MEG3: variants seen among roughly 807,000 people sequenced by gnomAD.
MEG3 encodes the protein maternally expressed 3.
chr14:100,836,170 C>T (rs572633109), exon 2 of MEG3: 5 of 454,800 alleles, frequency 1.1e-5, no homozygotes, highest in East Asian at 7.0e-5. Flanking sequence ...CCCCAAGGCA[C>T]GTGGGCCGTG....
chr14:100,831,140 A>G (rs1429968966), downstream of MEG3: 1 of 153,020 alleles, frequency 6.5e-6, no homozygotes, highest in Non-Finnish European at 1.5e-5. Flanking sequence ...GCAACCGTCC[A>G]TTCATTTGAT....
intron 2 of MEG3, among the ~76,000 whole-genome samples, chr14:100,839,307 G>A (rs1413664035): frequency 3.9e-5 from 6 of 152,088 alleles, no homozygotes; most frequent in Admixed American, 6.5e-5. Context: ...TGGAATTAAT[G>A]AGTTGTGAAG....
At chr14:100,843,981 A>G (rs2037838185) in intron 2 of MEG3, among the ~76,000 whole-genome samples, 1 of 151,814 alleles carries the variant, frequency 6.6e-6, no homozygotes. Flanking sequence ...CTGAGACCAT[A>G]GGCACATACC....
At chr14:100,828,525 T>G (rs2037313929) in intron 1 of MEG3, among the ~76,000 whole-genome samples, 1 of 77,242 alleles carries the variant, frequency 1.3e-5, no homozygotes, top group Admixed American at 1.9e-4. Context: ...GCCCCCCTCC[T>G]TCCTCCCTCC....
downstream of MEG3, chr14:100,832,971 T>TC (rs2037441091): frequency 6.6e-6 from 1 of 152,200 alleles, no homozygotes; most frequent in South Asian, 2.1e-4. Context: ...TCAGGACCCA[T>TC]TGAGGACATC....
chr14:100,849,045 T>A (rs1331756723), intron 3 of MEG3: 2 of 152,164 alleles, frequency 1.3e-5, no homozygotes, highest in African/African-American at 4.8e-5. Flanking sequence ...ATTTTCACTA[T>A]CCTGTGCACT....
At chr14:100,833,568 T>A (rs2037459596), downstream of MEG3, 4 of 152,376 alleles carry the variant, frequency 2.6e-5, no homozygotes, top group Admixed American at 2.0e-4. Context: ...CTATAGTAGT[T>A]CTTCTTTTGC....
intron 2 of MEG3, among the ~76,000 whole-genome samples, chr14:100,838,928 A>G (rs2037669837): frequency 6.6e-6 from 1 of 152,120 alleles, no homozygotes; most frequent in Non-Finnish European, 1.5e-5. Flanking sequence ...ATGCCTCCTG[A>G]GTTGTGATTC....
chr14:100,851,036 C>T (rs1462969095), intron 3 of MEG3: 1 of 152,436 alleles, frequency 6.6e-6, no homozygotes, highest in Non-Finnish European at 1.5e-5. Context: ...CTCAGGAAGA[C>T]CCTGGTCTTG....
rs2037638206 is a variant in MEG3, at chr14:100,837,927, T to G, written n.3045+1627T>G. On this transcript the variant is annotated intron_variant and non_coding_transcript_variant, in intron 2 of 3. Transcript: ENST00000398461. This position sits in a 1 kb window ranked among gnomAD's most constrained non-coding sequence, Gnocchi z 5.8. ...GCCTGGAGAGACGGGGAGGGGAGTGTGTGCCCAGGGCTAAACCCAGGGAGG... is the reference window on the plus strand; with the variant it reads ...GCCTGGAGAGACGGGGAGGGGAGTGGGTGCCCAGGGCTAAACCCAGGGAGG... Among the ~76,000 whole-genome samples, 1 of 151,796 alleles carries G rather than the reference T, an allele frequency of 6.6e-6. No individual in the cohort carries two copies. The highest frequency in any genetic ancestry group is 1.5e-5 in the Non-Finnish European group (1 of 67,954).
exon 1 of MEG3, chr14:100,835,107 G>T: frequency 3.1e-6 from 1 of 327,694 alleles, no homozygotes; most frequent in East Asian, 8.0e-5. Flanking sequence ...AGGCCGGAGG[G>T]TGTGAGGGCA....
At chr14:100,834,854 G>C in exon 1 of MEG3, 1 of 455,828 alleles carries the variant, frequency 2.2e-6, no homozygotes, top group South Asian at 1.6e-5. Context: ...TTTTTGAGAG[G>C]TGTGTGAGCA....
chr14:100,842,838 C>A (rs914521985), intron 2 of MEG3, among the ~76,000 whole-genome samples: 5 of 152,210 alleles, frequency 3.3e-5, no homozygotes, highest in Admixed American at 6.5e-5. Flanking sequence ...TTCACCAATG[C>A]TTTCTGCGTG....
exon 1 of MEG3, chr14:100,859,812 T>C (rs953241442): frequency 1.2e-4 from 19 of 152,286 alleles, no homozygotes; most frequent in African/African-American, 4.1e-4. Flanking sequence ...TTCATGACAG[T>C]GTCCGCTTGG....
intron 3 of MEG3, chr14:100,850,687 GAAGAAATGAAA>G (rs1241829399): frequency 6.6e-6 from 1 of 152,008 alleles, no homozygotes; most frequent in African/African-American, 2.4e-5. Flanking sequence ...TGCAATTTGG[GAAGAAATGAAA>G]AAGAAATGAA....
chr14:100,827,641 G>A (rs561466001), intron 1 of MEG3: 19 of 152,624 alleles, frequency 1.2e-4, no homozygotes, highest in African/African-American at 4.6e-4. Context: ...GCCATCGTGC[G>A]GGGGCTAGAA....
chr14:100,841,874 TG>T (rs1341655490), intron 2 of MEG3, among the ~76,000 whole-genome samples: 1 of 152,186 alleles, frequency 6.6e-6, no homozygotes, highest in African/African-American at 2.4e-5. Context: ...CCAACCCCCG[TG>T]GCTCACCTTG....
chr14:100,831,988 G>A (rs1284948755), downstream of MEG3: 2 of 152,122 alleles, frequency 1.3e-5, no homozygotes, highest in Non-Finnish European at 2.9e-5. Context: ...ACAACTGGAG[G>A]CACCACTAGA....
chr14:100,851,573 T>C, intron 3 of MEG3: 1 of 152,176 alleles, frequency 6.6e-6, no homozygotes, highest in South Asian at 2.1e-4. Context: ...TGGTCTTCCA[T>C]GGGGCAGGGC....
Sources: gnomAD v4.1 joint callset for allele counts (sites outside exome capture counted in the v4.1 genomes callset) on GRCh38, gnomAD v4.1.1 for gene constraint, Gnocchi (gnomAD v3.1) non-coding constraint, MANE v1.5 for transcripts, NCBI Gene and HGNC (gene_info 2026-07-23, HGNC 2026-07-21) for gene names.